SMARCB1: variants seen among roughly 807,000 people sequenced by gnomAD.
SMARCB1 encodes SWI/SNF-related matrix-associated actin-dependent regulator of chromatin subfamily B member 1.
In SMARCB1, 5 loss-of-function variants were observed where a neutral mutation model predicts 49.0. That is an observed-to-expected ratio of 0.10 (90% CI 0.05 to 0.21). The LOEUF is 0.21. Ranked by LOEUF, SMARCB1 falls within the 10% of genes least tolerant of loss-of-function variation. SMARCB1 has a pLI of 1.00. For missense variants in SMARCB1, 226 were observed against 509.2 expected, an observed-to-expected ratio of 0.44 and a Z score of 5.35; for synonymous variants, 201 against 200.1, an observed-to-expected ratio of 1.00 and a Z score of -0.04.
chr22:23,803,332 G>T lies in SMARCB1; in HGVS notation c.538G>T (p.Ala180Ser). Residue 180 changes from alanine to serine, a missense_variant, in exon 5 of 9, where the codon GCA becomes TCA. By Grantham distance (99) the Ala-to-Ser change is moderately conservative. This residue lies in a region of SMARCB1 where 128 missense variants were observed against 263.9 expected (regional missense o/e 0.49). Transcript: ENST00000644036. ...DHDPAVIHENASQPEVLVPIR... is the reference protein window; with the variant it reads ...DHDPAVIHENSSQPEVLVPIR... ...TGACCCAGCTGTGATCCATGAGAAC[G>T]CATCTCAGCCCGAGGTGCTGGTCCC... 2 of 1,614,126 alleles carry T rather than the reference G, an allele frequency of 1.2e-6. No individual in the cohort carries two copies. The highest frequency in any genetic ancestry group is 2.2e-5 in the East Asian group (1 of 44,882).
At chr22:23,808,342 C>G (rs930894178) in intron 5 of SMARCB1, among the ~76,000 whole-genome samples, 12 of 152,148 alleles carry the variant, frequency 7.9e-5, no homozygotes, top group Non-Finnish European at 1.6e-4. Context: ...AGGATGGTCT[C>G]GATCTCCCGA....
At chr22:23,807,345 A>G (rs1929556208) in intron 5 of SMARCB1, among the ~76,000 whole-genome samples, 1 of 149,376 alleles carries the variant, frequency 6.7e-6, no homozygotes, top group Non-Finnish European at 1.5e-5. Context: ...CTCACGCCTG[A>G]GGCTGAGGTG....
At chr22:23,832,491 T>C (rs1464000087) in intron 7 of SMARCB1, among the ~76,000 whole-genome samples, 1 of 151,846 alleles carries the variant, frequency 6.6e-6, no homozygotes, top group Non-Finnish European at 1.5e-5. Context: ...GGACTGAGCC[T>C]AGGGAGAGCC....
intron 1 of SMARCB1, among the ~76,000 whole-genome samples, chr22:23,788,387 T>A (rs1417425391): frequency 6.6e-6 from 1 of 152,212 alleles, no homozygotes; most frequent in Admixed American, 6.5e-5. Context: ...TTATAGCAGT[T>A]TTTAGTATCA....
chr22:23,793,753 C>T (rs2145964968), intron 3 of SMARCB1, 65 bp downstream of exon 3: 1 of 1,455,718 alleles, frequency 6.9e-7, no homozygotes, highest in South Asian at 1.1e-5. Context: ...GACTCAAGAA[C>T]TGGTTGGGTT....
At chr22:23,794,357 C>G (rs1449815959) in intron 3 of SMARCB1, among the ~76,000 whole-genome samples, 1 of 152,188 alleles carries the variant, frequency 6.6e-6, no homozygotes, top group African/African-American at 2.4e-5. Context: ...TAAGCCAAGT[C>G]CTGGATTCCG....
intron 2 of SMARCB1, chr22:23,792,667 G>A (rs1234963690): frequency 6.4e-6 from 1 of 156,194 alleles, no homozygotes; most frequent in African/African-American, 2.4e-5. Flanking sequence ...GTGTCTGTAG[G>A]TGCTGCTGTG....
At chr22:23,827,225 G>C (rs945759045) in intron 7 of SMARCB1, among the ~76,000 whole-genome samples, 3 of 152,218 alleles carry the variant, frequency 2.0e-5, no homozygotes, top group Non-Finnish European at 4.4e-5. Flanking sequence ...AGCCCCTACG[G>C]TGTTGACCTT....
In SMARCB1 at chr22:23,787,026, G is replaced by A. The variant is rs1005362375; in HGVS notation, c.-144G>A. ...GTCTGCGGCGGCGGCGGCGGCTGAG[G>A]AGCCCGGCTGAGGCGCCAGTACCCG... On this transcript the variant is annotated 5_prime_UTR_variant, in exon 1 of 9. Transcript: ENST00000644036. The A allele has an allele frequency of 3.7e-6, 2 of 536,778 alleles. No individual in the cohort carries two copies. The highest frequency in any genetic ancestry group is 2.0e-5 in the African/African-American group (1 of 49,560). The allele number at this position is 536,778 out of a possible 1,614,324, so 33.3% of individuals were successfully genotyped here. A position where few individuals can be genotyped will look rare whatever the true frequency, so the allele number is the denominator to read the frequency against.
chr22:23,823,711 C>A (rs1207615520), intron 6 of SMARCB1: 1 of 152,210 alleles, frequency 6.6e-6, no homozygotes, highest in Non-Finnish European at 1.5e-5. Flanking sequence ...GGGGGAGGAT[C>A]TTTTGAGGCC....
chr22:23,817,031 C>T, intron 6 of SMARCB1, 95 bp downstream of exon 6: 2 of 1,007,500 alleles, frequency 2.0e-6, no homozygotes, highest in Non-Finnish European at 1.5e-6. Flanking sequence ...TCAGCAGAAG[C>T]CCGTCTTTGG....
At chr22:23,811,013 G>T (rs1213282250) in intron 5 of SMARCB1, among the ~76,000 whole-genome samples, 1 of 149,228 alleles carries the variant, frequency 6.7e-6, no homozygotes, top group East Asian at 2.0e-4. Context: ...CTCCAGCCTG[G>T]GCGACAGAGC....
chr22:23,791,582 A>C (rs140100313), intron 1 of SMARCB1, among the ~76,000 whole-genome samples, 174 bp from the exon 2 acceptor site: 13 of 152,220 alleles, frequency 8.5e-5, no homozygotes, highest in African/African-American at 3.1e-4. Flanking sequence ...CCAGATGTGC[A>C]CTGCTGGTGA....
intron 6 of SMARCB1, among the ~76,000 whole-genome samples, chr22:23,819,667 A>C (rs9612458): frequency 0.12 from 18,776 of 151,112 alleles, 1,250 homozygotes; most frequent in South Asian, 0.27. Flanking sequence ...TTTTGGGTGT[A>C]TACCTAGAAA....
chr22:23,831,947 C>T (rs2030678747), intron 7 of SMARCB1, among the ~76,000 whole-genome samples: 1 of 152,200 alleles, frequency 6.6e-6, no homozygotes, highest in African/African-American at 2.4e-5. Context: ...TCTGCGTCAC[C>T]AGTACGAGCT....
In SMARCB1 at chr22:23,836,316, TGAGA is replaced by T. The variant is rs2031043509; in HGVS notation, c.*2139_*2142del. 2.0e-6 allele frequency: 2 copies of T among 985,372 alleles called. No individual in the cohort carries two copies. The highest frequency in any genetic ancestry group is 2.4e-6 in the Non-Finnish European group (2 of 829,962). 61.0% of individuals were successfully genotyped at this position (985,372 alleles called of 1,614,324 possible). On this transcript the variant is annotated 3_prime_UTR_variant, in exon 9 of 9. Transcript: ENST00000644036. ...TACGCCCACCTGTCAGGGTGGCTGATGAGAGACAGGAGAGGCTAGATTGGCATCA... is the reference window on the plus strand; with the variant it reads ...TACGCCCACCTGTCAGGGTGGCTGATGACAGGAGAGGCTAGATTGGCATCA...
At chr22:23,801,250 A>T (rs767101616) in intron 4 of SMARCB1, 169 bp downstream of exon 4, 12 of 950,998 alleles carry the variant, frequency 1.3e-5, no homozygotes, top group Non-Finnish European at 1.7e-5. Context: ...CTTCCAGGAC[A>T]TTGTCCATAG....
At chr22:23,829,014 C>T (rs3788363) in intron 7 of SMARCB1, among the ~76,000 whole-genome samples, 58,412 of 151,964 alleles carry the variant, frequency 0.38, 13,708 homozygotes, top group Admixed American at 0.52. Flanking sequence ...CACAGGCGTC[C>T]CAGAGCCAGT....
chr22:23,805,308 G>A (rs1929428835), intron 5 of SMARCB1, among the ~76,000 whole-genome samples: 1 of 151,854 alleles, frequency 6.6e-6, no homozygotes, highest in African/African-American at 2.4e-5. Flanking sequence ...ATGGGGACAG[G>A]TACAGTTCAC....
Sources: allele counts gnomAD v4.1 joint callset (sites outside exome capture counted in the v4.1 genomes callset), GRCh38; gene constraint gnomAD v4.1.1; regional missense constraint gnomAD v4.1.1; transcripts MANE v1.5; gene names NCBI Gene and HGNC (gene_info 2026-07-23, HGNC 2026-07-21).